Variants in PDE1C observed in about 807,000 individuals in gnomAD.
PDE1C encodes the protein dual specificity calcium/calmodulin-dependent 3',5'-cyclic nucleotide phosphodiesterase 1C.
A neutral mutation model predicts 93.1 loss-of-function variants in PDE1C; 62 were observed. The observed-to-expected ratio is 0.67, with a 90% confidence interval of 0.54 to 0.82. The LOEUF (loss-of-function observed/expected upper bound fraction) is 0.82, where lower values mean the gene tolerates loss of function less well. Among genes scored for constraint, PDE1C ranks in the 40% least tolerant of loss-of-function variants. The pLI is 0.00. For missense variants in PDE1C, 742 were observed against 884.6 expected (o/e 0.84, Z 2.04); for synonymous variants, 325 against 310.1 (o/e 1.05, Z -0.50).
intron 1 of PDE1C, among the ~76,000 whole-genome samples, chr7:32,416,183 A>T (rs926561485): frequency 3.9e-5 from 6 of 152,262 alleles, no homozygotes; most frequent in African/African-American, 1.4e-4. Flanking sequence ...GGGCCACGCC[A>T]GCAGGACACA....
At chr7:32,096,471 CT>C (rs1430771407) in intron 3 of PDE1C, among the ~76,000 whole-genome samples, 1 of 152,162 alleles carries the variant, frequency 6.6e-6, no homozygotes, top group Non-Finnish European at 1.5e-5. Flanking sequence ...TTTATTTCCC[CT>C]GACATCTTGT....
the PDE1C span, among the ~76,000 whole-genome samples, chr7:31,734,095 T>G: frequency 1.3e-5 from 2 of 152,038 alleles, no homozygotes; most frequent in African/African-American, 4.8e-5. Flanking sequence ...CAAAACTTGA[T>G]TCAGATGTTT....
rs138877032 is a variant in PDE1C, at chr7:32,339,276, A to G, written c.310+88546T>C. Among the ~76,000 whole-genome samples the G allele has an allele frequency of 4.2e-3, 643 of 152,292 alleles. 4 individuals carry two copies. The highest frequency in any genetic ancestry group is 0.015 in the African/African-American group (618 of 41,554). ...ATTTAAAAGTCATAATAGGACAAAT[A>G]CTGTATTATACGATGAGCCTAGAGT... On this transcript the variant is annotated intron_variant, in intron 1 of 1. Transcript: ENST00000672256.
rs1368389279 is a variant in PDE1C, at chr7:32,083,465, G to A, written c.308+86320C>T. Among the ~76,000 whole-genome samples, 5 of 152,254 alleles carry A rather than the reference G, an allele frequency of 3.3e-5. No individual in the cohort carries two copies. The East Asian group carries it at 9.7e-4, about 29-fold the overall frequency. On this transcript the variant is annotated intron_variant, in intron 3 of 18. Coordinates refer to the PDE1C transcript ENST00000396193. ...CAGGAGAACTTCCCCAGTCTAGCAAGGCAGGCCAACACTCAGATTCAGGAA... is the reference window on the plus strand; with the variant it reads ...CAGGAGAACTTCCCCAGTCTAGCAAAGCAGGCCAACACTCAGATTCAGGAA...
chr7:32,125,577 A>T (rs1295960500), intron 3 of PDE1C, among the ~76,000 whole-genome samples: 1 of 152,182 alleles, frequency 6.6e-6, no homozygotes, highest in African/African-American at 2.4e-5. Flanking sequence ...AGGGACATGG[A>T]TGAAGCTGGA....
chr7:31,684,166 C>A, the PDE1C span, among the ~76,000 whole-genome samples: 1 of 152,144 alleles, frequency 6.6e-6, no homozygotes, highest in Non-Finnish European at 1.5e-5. Flanking sequence ...AGAGTATGTA[C>A]GAAGCCCTGG....
chr7:32,295,893 C>CAAAAAAAAAAAA (rs147462417), intron 1 of PDE1C, among the ~76,000 whole-genome samples: 1 of 85,124 alleles, frequency 1.2e-5, no homozygotes, highest in Non-Finnish European at 2.4e-5. Context: ...GACTCTGTCT[C>CAAAAAAAAAAAA]AAAAAAAAAA....
Position 32,085,555 on chromosome 7 carries a change from C to G in PDE1C, c.308+84230G>C, listed in dbSNP as rs536510278. ...GCCAGTCAGAGACACAACCAAAAAA[C>G]AGAATTTTAGACCAATATCCTTGAT... On this transcript the variant is annotated intron_variant, in intron 3 of 18. Coordinates refer to the PDE1C transcript ENST00000396193. 6.8e-3 allele frequency among the ~76,000 whole-genome samples: 1,004 copies of G among 148,198 alleles called. 10 individuals carry two copies. The highest frequency in any genetic ancestry group is 0.024 in the African/African-American group (951 of 39,812).
the PDE1C span, among the ~76,000 whole-genome samples, chr7:31,719,253 G>A: frequency 6.6e-6 from 1 of 152,124 alleles, no homozygotes; most frequent in Non-Finnish European, 1.5e-5. Flanking sequence ...CCTAGTACTC[G>A]AGATGGACCT....
intron 3 of PDE1C, among the ~76,000 whole-genome samples, chr7:32,108,921 A>G (rs1254342030): frequency 6.6e-6 from 1 of 152,212 alleles, no homozygotes; most frequent in African/African-American, 2.4e-5. Flanking sequence ...CCTTCTTGTC[A>G]GTTCAGCCTT....
intron 2 of PDE1C, among the ~76,000 whole-genome samples, chr7:31,935,507 A>C (rs1381064321): frequency 6.6e-6 from 1 of 152,088 alleles, no homozygotes; most frequent in Non-Finnish European, 1.5e-5. Context: ...ACAAATAAAA[A>C]TCCATCAATG....
chr7:31,754,170 A>C (rs1021611538), intron 17 of PDE1C, among the ~76,000 whole-genome samples: 4 of 152,246 alleles, frequency 2.6e-5, no homozygotes, highest in Non-Finnish European at 5.9e-5. Context: ...AGAGAATTTC[A>C]AATTAAAACA....
At chr7:32,363,931 T>C (rs1784183887) in intron 1 of PDE1C, among the ~76,000 whole-genome samples, 2 of 152,254 alleles carry the variant, frequency 1.3e-5, no homozygotes, top group African/African-American at 2.4e-5. Context: ...TTATTCCTCA[T>C]AACAATTCTA....
the PDE1C span, among the ~76,000 whole-genome samples, chr7:31,729,854 C>G: frequency 6.6e-6 from 1 of 152,126 alleles, no homozygotes; most frequent in African/African-American, 2.4e-5. Context: ...TTCTCAGGAG[C>G]CTTCTGTAGA....
chr7:31,671,539 T>G, the PDE1C span, among the ~76,000 whole-genome samples: 1 of 152,114 alleles, frequency 6.6e-6, no homozygotes, highest in East Asian at 1.9e-4. Context: ...GTCCACTAGC[T>G]CTCAGCTGTC....
At chr7:32,282,158 A>T (rs1484017306) in intron 1 of PDE1C, among the ~76,000 whole-genome samples, 3 of 53,134 alleles carry the variant, frequency 5.6e-5, no homozygotes, top group East Asian at 9.2e-4. Flanking sequence ...AAAGTATAAT[A>T]AAAAAAAAAA....
At chr7:31,918,819 T>C (rs188808546) in intron 2 of PDE1C, among the ~76,000 whole-genome samples, 12 of 152,302 alleles carry the variant, frequency 7.9e-5, no homozygotes, top group Admixed American at 3.3e-4. Context: ...TCCATGTATT[T>C]AATCTGCCCT....
intron 3 of PDE1C, among the ~76,000 whole-genome samples, chr7:32,083,153 C>T (rs1324615936): frequency 6.6e-6 from 1 of 152,102 alleles, no homozygotes; most frequent in Non-Finnish European, 1.5e-5. Flanking sequence ...CAGAGAAGTG[C>T]TTAAAGGAGG....
chr7:32,180,950 A>G (rs992276175), intron 2 of PDE1C, among the ~76,000 whole-genome samples: 6 of 152,240 alleles, frequency 3.9e-5, no homozygotes, highest in African/African-American at 7.2e-5. Context: ...ATAATTCAAC[A>G]GACTCAGAAA....
Sources: allele counts gnomAD v4.1 joint callset (sites outside exome capture counted in the v4.1 genomes callset), GRCh38; gene constraint gnomAD v4.1.1; transcripts MANE v1.5; gene names NCBI Gene and HGNC (gene_info 2026-07-23, HGNC 2026-07-21).